ECM2: variants seen among roughly 807,000 people sequenced by gnomAD.
ECM2 encodes extracellular matrix protein 2, female organ and adipocyte specific.
A neutral mutation model predicts 67.5 loss-of-function variants in ECM2; 57 were observed. The observed-to-expected ratio is 0.84, with a 90% CI of 0.68 to 1.05. The LOEUF (loss-of-function observed/expected upper bound fraction) is 1.05. Among genes scored for constraint, ECM2 ranks in the 50% least tolerant of loss-of-function variants. The pLI is 0.00. For synonymous variants in ECM2, 258 were observed against 294.5 expected (o/e 0.88, Z 1.27); for missense variants, 741 against 822.8 (o/e 0.90, Z 1.22).
the ECM2 span, among the ~76,000 whole-genome samples, chr9:92,546,204 A>G: frequency 1.3e-5 from 2 of 152,160 alleles, no homozygotes; most frequent in African/African-American, 4.8e-5. Context: ...GTCAAAACGG[A>G]CCAATCAGCT....
At chr9:92,546,506 C>T in the ECM2 span, among the ~76,000 whole-genome samples, 5,486 of 152,060 alleles carry the variant, frequency 0.036, 140 homozygotes, top group Middle Eastern at 0.075. Context: ...AAGAACAACT[C>T]CAGACGCACC....
Position 92,505,534 on chromosome 9 carries a change from T to C in ECM2, c.1463A>G (p.Glu488Gly). Residue 488 changes from glutamate to glycine, a missense_variant and splice_region_variant, in exon 7 of 10, where the codon GAG (glutamate) becomes GGG (glycine). Glu to Gly is a moderately conservative substitution (Grantham distance 98). Transcript: ENST00000344604. ...AACACTAAAAAAATATATTGTTACCTCAATAGAACCAGGAAGACCCTGCGG... is the reference window on the plus strand; with the variant it reads ...AACACTAAAAAAATATATTGTTACCCCAATAGAACCAGGAAGACCCTGCGG... Reference protein sequence around the residue: ...IIPQGLPGSIEELYLENNQIE... With the variant: ...IIPQGLPGSIGELYLENNQIE... 6.3e-7 allele frequency: 1 copy of C among 1,589,736 alleles called. No individual in the cohort carries two copies. Among genetic ancestry groups the C allele is most frequent in the South Asian group, 1.2e-5 (1 of 85,498 alleles).
rs1374857222 is a variant in ECM2 at position 92,502,547 on chromosome 9, T to G, written c.1570A>C (p.Asn524His). Residue 524 changes from asparagine to histidine, a missense_variant, in exon 8 of 10, where the codon AAT becomes CAT. By Grantham distance (68) the Asn-to-His change is moderately conservative. Coordinates refer to ENST00000344604, the MANE Select transcript of ECM2 (RefSeq NM_001393.4). The stretch of plus-strand genomic sequence containing the variant: ...ATCCAGGCTAAAGGAGCAATCCTAT[T>G]TTCTTCAATTTTGTTATAACGTAGT... ...IVLRYNKIEENRIAPLAWINQ... is the reference protein window; with the variant it reads ...IVLRYNKIEEHRIAPLAWINQ... 4 of 1,612,902 alleles carry G rather than the reference T, an allele frequency of 2.5e-6. No individual in the cohort carries two copies. The South Asian group carries it at 4.4e-5, about 18-fold the overall frequency.
chr9:92,498,800 C>T (rs1386280327), intron 9 of ECM2, among the ~76,000 whole-genome samples: 3 of 151,990 alleles, frequency 2.0e-5, no homozygotes, highest in African/African-American at 7.3e-5. Context: ...GTAAGATCAT[C>T]CAAGTTAATA....
the ECM2 span, among the ~76,000 whole-genome samples, chr9:92,546,176 C>T: frequency 2.6e-5 from 4 of 152,168 alleles, no homozygotes; most frequent in Non-Finnish European, 4.4e-5. Flanking sequence ...CGATTGTAAA[C>T]GCACCAGTCA....
At chr9:92,554,796 C>T in the ECM2 span, among the ~76,000 whole-genome samples, 1 of 152,028 alleles carries the variant, frequency 6.6e-6, no homozygotes, top group Admixed American at 6.5e-5. Context: ...TGCCACTGCG[C>T]CCGGCTTATT....
chr9:92,509,916 T>C lies in ECM2; in HGVS notation c.1289A>G (p.Asp430Gly), dbSNP rs771332777. 7.5e-6 allele frequency: 12 copies of C among 1,603,290 alleles called. 1 individual carries two copies. The South Asian group carries it at 1.2e-4, about 17-fold the overall frequency. Residue 430 changes from aspartate (D) to glycine (G), a missense_variant, in exon 6 of 10, where the codon GAT (aspartate) becomes GGT (glycine). Transcript: ENST00000344604. ...KVNENNLQAI[D>G]EESLSDLNQL... ...TTAAATACCTGATAAACTTTCTTCA[T>C]CGATAGCCTGAAGATTGTTCTCATT...
chr9:92,530,695 A>AT (rs972271123), intron 1 of ECM2, among the ~76,000 whole-genome samples: 7 of 151,406 alleles, frequency 4.6e-5, no homozygotes, highest in Admixed American at 2.0e-4. Context: ...ATGTAGTTGC[A>AT]TTTTTTTTCT....
chr9:92,546,738 A>G, the ECM2 span, among the ~76,000 whole-genome samples: 1 of 152,186 alleles, frequency 6.6e-6, no homozygotes, highest in South Asian at 2.1e-4. Flanking sequence ...TGCACACAAT[A>G]CTATGAACAA....
the ECM2 span, among the ~76,000 whole-genome samples, chr9:92,546,961 C>T: frequency 0.26 from 39,601 of 152,018 alleles, 7,544 homozygotes; most frequent in African/African-American, 0.53. Context: ...AACTATATTA[C>T]AAACTGACAG....
chr9:92,513,871 C>T (rs1847515686), intron 4 of ECM2, among the ~76,000 whole-genome samples: 1 of 152,078 alleles, frequency 6.6e-6, no homozygotes, highest in Admixed American at 6.6e-5. Context: ...TGTCAAAACT[C>T]AGAACTATAT....
In ECM2 at chr9:92,496,501, T is replaced by G. The variant is rs1165559419; in HGVS notation, c.1932-18A>C. 1 of 1,604,468 alleles carries G rather than the reference T, an allele frequency of 6.2e-7. No homozygotes were observed. The highest frequency in any genetic ancestry group is 1.7e-5 in the Admixed American group (1 of 58,008). On this transcript the variant is annotated intron_variant, in intron 9 of 9. Coordinates refer to ENST00000344604, the MANE Select transcript of ECM2 (RefSeq NM_001393.4). Reference sequence around the variant, plus strand: ...GAATGTTCCTAAGGAAAAATAGACATGCAAGTCACACATGGTCCCAGTAAT... The same window carrying G: ...GAATGTTCCTAAGGAAAAATAGACAGGCAAGTCACACATGGTCCCAGTAAT...
chr9:92,554,434 C>A, the ECM2 span, among the ~76,000 whole-genome samples: 1 of 152,176 alleles, frequency 6.6e-6, no homozygotes, highest in African/African-American at 2.4e-5. Context: ...CCACCCGCAT[C>A]ACCCTCCCAA....
At chr9:92,555,967 C>G in the ECM2 span, among the ~76,000 whole-genome samples, 3 of 152,006 alleles carry the variant, frequency 2.0e-5, no homozygotes, top group African/African-American at 7.3e-5. Context: ...TTCTCTAGTT[C>G]CTTGAGTTGT....
chr9:92,543,435 G>T, the ECM2 span, among the ~76,000 whole-genome samples: 3 of 124,708 alleles, frequency 2.4e-5, no homozygotes, highest in Non-Finnish European at 4.7e-5. Context: ...TCTCACCACT[G>T]CTCTCCAGCC....
the ECM2 span, among the ~76,000 whole-genome samples, chr9:92,547,441 C>T: frequency 0.25 from 37,922 of 152,168 alleles, 6,646 homozygotes; most frequent in African/African-American, 0.49. Flanking sequence ...CAAAATGCTG[C>T]ATAGCCATAC....
rs35306473 is a variant in ECM2, at chr9:92,511,426, G to GT, written c.1170+584dup. On this transcript the variant is annotated intron_variant, in intron 5 of 9. Coordinates refer to ENST00000344604, the MANE Select transcript of ECM2 (RefSeq NM_001393.4). ...AGGCATGAGCCACTGTGCCTGGCCT[G>GT]TTTTTTTTTTTTTTTAAATATATAA... 4.4e-3 allele frequency among the ~76,000 whole-genome samples: 637 copies of GT among 144,634 alleles called. 2 individuals are homozygous for GT. The highest frequency in any genetic ancestry group is 6.5e-3 in the Non-Finnish European group (426 of 65,578). 94.9% of individuals were successfully genotyped at this position (144,634 alleles called of 152,430 possible). A position where few individuals can be genotyped will look rare whatever the true frequency, so the allele number is the denominator to read the frequency against.
the ECM2 span, among the ~76,000 whole-genome samples, chr9:92,554,533 T>G: frequency 3.9e-5 from 6 of 152,228 alleles, no homozygotes; most frequent in East Asian, 1.2e-3. Flanking sequence ...GACCTGCATA[T>G]GTTAAACCAT....
chr9:92,555,214 ATTTTT>A, the ECM2 span, among the ~76,000 whole-genome samples: 15 of 63,438 alleles, frequency 2.4e-4, no homozygotes, highest in Non-Finnish European at 3.2e-4. Context: ...TTTTTTGGAA[ATTTTT>A]TTTTTTTTTT....
Sources: allele counts gnomAD v4.1 joint callset (sites outside exome capture counted in the v4.1 genomes callset), GRCh38; gene constraint gnomAD v4.1.1; transcripts MANE v1.5; gene names NCBI Gene and HGNC (gene_info 2026-07-23, HGNC 2026-07-21).